Variants in CCSER1 observed in about 807,000 individuals in gnomAD.
The protein encoded by CCSER1 is serine-rich coiled-coil domain-containing protein 1.
Under a neutral mutation model 82.0 loss-of-function variants are expected in CCSER1, and 41 were observed. The observed-to-expected ratio is 0.50, with a 90% CI of 0.39 to 0.65. CCSER1 has a LOEUF of 0.65. Among genes scored for constraint, CCSER1 ranks in the 30% least tolerant of loss-of-function variants. The probability of loss-of-function intolerance (pLI) is 0.00; values close to 1 mark genes in which losing one functional copy is unlikely to be tolerated. For synonymous variants in CCSER1, 414 were observed against 383.9 expected (o/e 1.08, Z -0.92); for missense variants, 1,119 against 1,064.2 (o/e 1.05, Z -0.72).
At chr4:90,193,998 A>G (rs1030127252) in intron 1 of CCSER1, among the ~76,000 whole-genome samples, 2 of 152,058 alleles carry the variant, frequency 1.3e-5, no homozygotes, top group African/African-American at 4.8e-5. Flanking sequence ...TTGTTCATTC[A>G]GCTAAAATTC....
intron 6 of CCSER1, among the ~76,000 whole-genome samples, chr4:90,710,740 G>T (rs929131572): frequency 2.6e-5 from 4 of 152,076 alleles, no homozygotes; most frequent in Non-Finnish European, 4.4e-5. Flanking sequence ...AAGCCTTGTA[G>T]TATGATTTAA....
intron 10 of CCSER1, among the ~76,000 whole-genome samples, chr4:91,276,224 A>C (rs1742424587): frequency 6.7e-6 from 1 of 148,900 alleles, no homozygotes; most frequent in Admixed American, 6.7e-5. Context: ...TAAGGATTGC[A>C]CTGAATTTGT....
chr4:90,996,854 C>T (rs1008624315), intron 9 of CCSER1, among the ~76,000 whole-genome samples: 6 of 152,044 alleles, frequency 3.9e-5, no homozygotes, highest in African/African-American at 1.4e-4. Flanking sequence ...CTTTCTATTA[C>T]TGAGAAACAT....
At chr4:90,415,321 T>C (rs1338193072) in intron 4 of CCSER1, among the ~76,000 whole-genome samples, 1 of 152,210 alleles carries the variant, frequency 6.6e-6, no homozygotes, top group East Asian at 1.9e-4. Context: ...GTATTAACAG[T>C]TCTAAACGGT....
chr4:90,691,629 T>G (rs1185394666), intron 6 of CCSER1, among the ~76,000 whole-genome samples: 1 of 149,336 alleles, frequency 6.7e-6, no homozygotes. Flanking sequence ...TATGTGTATG[T>G]ATATATATCA....
chr4:90,851,443 T>TTG (rs1763873678), intron 8 of CCSER1, among the ~76,000 whole-genome samples: 1 of 127,128 alleles, frequency 7.9e-6, no homozygotes, highest in Non-Finnish European at 1.6e-5. Context: ...TGACAGAGGC[T>TTG]GCCTGAAGTA....
chr4:91,029,096 G>T (rs1220690234), intron 9 of CCSER1, among the ~76,000 whole-genome samples: 1 of 151,912 alleles, frequency 6.6e-6, no homozygotes, highest in East Asian at 1.9e-4. Flanking sequence ...TCAGGAAAAA[G>T]AGTATAGAGT....
chr4:91,286,534 T>G (rs569645255), intron 10 of CCSER1, among the ~76,000 whole-genome samples: 1 of 151,926 alleles, frequency 6.6e-6, no homozygotes, highest in African/African-American at 2.4e-5. Context: ...TATTGTTACA[T>G]GAAACTCTAT....
intron 10 of CCSER1, among the ~76,000 whole-genome samples, chr4:91,582,520 T>C (rs1277621768): frequency 2.0e-5 from 3 of 151,562 alleles, no homozygotes; most frequent in Non-Finnish European, 4.4e-5. Flanking sequence ...CAAGGAGATA[T>C]GTCCTTTGAT....
At chr4:91,306,059 T>TG (rs1745048983) in intron 10 of CCSER1, among the ~76,000 whole-genome samples, 12 of 139,636 alleles carry the variant, frequency 8.6e-5, no homozygotes, top group East Asian at 4.4e-4. Flanking sequence ...ATCAGTGTGT[T>TG]TGTGTGTGTG....
At chr4:90,633,096 T>C (rs1415703528) in intron 6 of CCSER1, among the ~76,000 whole-genome samples, 1 of 152,092 alleles carries the variant, frequency 6.6e-6, no homozygotes, top group Non-Finnish European at 1.5e-5. Context: ...TATTCTAAGA[T>C]GCAGGAAAAT....
intron 1 of CCSER1, among the ~76,000 whole-genome samples, chr4:90,158,141 C>T (rs373031232): frequency 6.6e-6 from 1 of 151,994 alleles, no homozygotes; most frequent in South Asian, 2.1e-4. Flanking sequence ...GAGGTCCACT[C>T]CAGACCCTGT....
chr4:91,442,203 G>A (rs200716256), intron 10 of CCSER1, among the ~76,000 whole-genome samples: 113,528 of 149,752 alleles, frequency 0.76, 43,353 homozygotes, highest in East Asian at 0.92. Context: ...GAGGCATCAC[G>A]CTACCTGACT....
chr4:90,710,094 A>C (rs775480333), intron 6 of CCSER1, among the ~76,000 whole-genome samples: 3 of 152,030 alleles, frequency 2.0e-5, no homozygotes, highest in African/African-American at 2.4e-5. Flanking sequence ...TCTTTTGAGA[A>C]GTGTCTATGC....
chr4:90,933,604 G>A (rs1374578966), intron 9 of CCSER1, among the ~76,000 whole-genome samples: 3 of 151,568 alleles, frequency 2.0e-5, no homozygotes, highest in African/African-American at 7.3e-5. Context: ...TGTCATAAAA[G>A]TACAAAACTA....
intron 5 of CCSER1, among the ~76,000 whole-genome samples, chr4:90,572,283 CTCTT>C (rs1349976292): frequency 2.6e-5 from 4 of 152,260 alleles, no homozygotes; most frequent in African/African-American, 9.6e-5. Context: ...TCAGAATACT[CTCTT>C]TGTCTTTGAT....
At chr4:90,187,418 C>A (rs1734811941) in intron 1 of CCSER1, among the ~76,000 whole-genome samples, 1 of 148,844 alleles carries the variant, frequency 6.7e-6, no homozygotes, top group Non-Finnish European at 1.5e-5. Flanking sequence ...TGGTAATTAC[C>A]TCCCTTATCG....
Position 91,113,239 on chromosome 4 carries a change from A to G in CCSER1, c.2217+27245A>G, listed in dbSNP as rs374903518. Among the ~76,000 whole-genome samples the G allele has an allele frequency of 5.4e-4, 82 of 152,344 alleles. 4 individuals are homozygous for G. In the East Asian group the frequency reaches 7.9e-3, roughly 15 times the overall value. ...TTTATTAAACATTTGTTGATACAAC[A>G]AACGCATGACATTGTGTTGGGAGGC... On this transcript the variant is annotated intron_variant, in intron 10 of 10. Transcript: ENST00000509176.
At chr4:91,222,183 C>T (rs770328266) in intron 10 of CCSER1, among the ~76,000 whole-genome samples, 27 of 150,318 alleles carry the variant, frequency 1.8e-4, no homozygotes, top group African/African-American at 6.1e-4. Flanking sequence ...TGAAGAAGCA[C>T]GGATTATGCT....
Sources: gnomAD v4.1 joint callset for allele counts (sites outside exome capture counted in the v4.1 genomes callset) on GRCh38, gnomAD v4.1.1 for gene constraint, MANE v1.5 for transcripts, NCBI Gene and HGNC (gene_info 2026-07-23, HGNC 2026-07-21) for gene names.